The following CCL18 variants were observed in gnomAD, a reference collection of about 807,000 sequenced individuals.
CCL18 encodes C-C motif chemokine 18.
A neutral mutation model predicts 8.0 loss-of-function variants in CCL18; 7 were observed. The observed-to-expected ratio is 0.87, with a 90% CI of 0.50 to 1.64. CCL18 has a LOEUF of 1.64. Among genes scored for constraint, CCL18 ranks in the 40% most tolerant of loss-of-function variants. The probability of loss-of-function intolerance (pLI) is 0.00; values close to 1 mark genes in which losing one functional copy is unlikely to be tolerated. For missense variants in CCL18, 95 were observed against 107.8 expected (o/e 0.88, Z 0.52); for synonymous variants, 35 against 41.3 (o/e 0.85, Z 0.59).
intron 1 of CCL18, among the ~76,000 whole-genome samples, chr17:36,068,385 T>A (rs993822082): frequency 1.3e-5 from 2 of 151,366 alleles, no homozygotes; most frequent in African/African-American, 2.4e-5. Flanking sequence ...TTCAATGAAA[T>A]TTTTTTTTCA....
Position 36,071,058 on chromosome 17 carries a change from G to T in CCL18, c.*17G>T. The stretch of plus-strand genomic sequence containing the variant: ...AATGCCTGAGGGGCCTGGAAGCTGC[G>T]AGGGCCCAGTGAACTTGGTGGGCCC... On this transcript the variant is annotated 3_prime_UTR_variant, in exon 3 of 3. Transcript: ENST00000616054. 1 of 1,588,114 alleles carries T rather than the reference G, an allele frequency of 6.3e-7. No individual in the cohort carries two copies.
At chr17:36,069,272 C>T (rs1285662322) in intron 1 of CCL18, among the ~76,000 whole-genome samples, 1 of 152,166 alleles carries the variant, frequency 6.6e-6, no homozygotes, top group African/African-American at 2.4e-5. Context: ...CACCAGCTAA[C>T]CCAGTCTCAG....
chr17:36,070,520 T>C lies in CCL18; in HGVS notation c.141T>C (p.Tyr47=). The change falls in exon 2 of 3, where the codon TAT becomes TAC. Residue 47 remains tyrosine (Y), a synonymous_variant. Coordinates refer to ENST00000616054, the MANE Select transcript of CCL18 (RefSeq NM_002988.4). ...WQIPQKFIVD[Y]SETSPQCPKP... is the part of the protein sequence containing the mutation. Reference sequence around the variant, plus strand: ...TTCCACAAAAGTTCATAGTTGACTATTCTGAAACCAGCCCCCAGTGCCCCA... The same window carrying C: ...TTCCACAAAAGTTCATAGTTGACTACTCTGAAACCAGCCCCCAGTGCCCCA... 1.9e-6 allele frequency: 3 copies of C among 1,613,974 alleles called. No homozygotes were observed. Among genetic ancestry groups the C allele is most frequent in the Non-Finnish European group, 2.5e-6 (3 of 1,179,792 alleles).
In CCL18 at chr17:36,069,375, G is replaced by A. The variant is rs559545741; in HGVS notation, c.68-1072G>A. Among the ~76,000 whole-genome samples, 6 of 152,302 alleles carry A rather than the reference G, an allele frequency of 3.9e-5. No individual in the cohort carries two copies. In the East Asian group the frequency reaches 9.6e-4, roughly 24 times the overall value. On this transcript the variant is annotated intron_variant, in intron 1 of 2. Transcript: ENST00000616054. ...ATTCTTGCAAATAGCCTGAATCTTT[G>A]TGGTGAGCTGAAGCTCTCCTGGTTT...
At chr17:36,067,277 C>A (rs1167465026) in intron 1 of CCL18, among the ~76,000 whole-genome samples, 7 of 152,058 alleles carry the variant, frequency 4.6e-5, no homozygotes, top group Admixed American at 3.9e-4. Context: ...AGATCAGGAG[C>A]CTTAGATGCC....
chr17:36,070,346 G>T, intron 1 of CCL18, 101 bp from the exon 2 acceptor site: 2 of 684,980 alleles, frequency 2.9e-6, no homozygotes, highest in East Asian at 2.7e-5. Flanking sequence ...CCCAAGCGGT[G>T]ATATCTCCCA....
intron 1 of CCL18, among the ~76,000 whole-genome samples, chr17:36,065,580 T>C (rs2066832774): frequency 6.6e-6 from 1 of 152,024 alleles, no homozygotes; most frequent in Admixed American, 6.5e-5. Flanking sequence ...TTGCAGTGGA[T>C]ATGGAGAAAC....
intron 1 of CCL18, among the ~76,000 whole-genome samples, chr17:36,067,389 A>G (rs1316715977): frequency 2.0e-5 from 3 of 152,296 alleles, no homozygotes; most frequent in Admixed American, 2.0e-4. Flanking sequence ...GGCACAACTT[A>G]TAACAATGAA....
At chr17:36,070,372 C>G (rs2066858873) in intron 1 of CCL18, 75 bp from the exon 2 acceptor site, 1 of 867,084 alleles carries the variant, frequency 1.2e-6, no homozygotes, top group South Asian at 1.4e-5. Flanking sequence ...TCCTGACTCT[C>G]AAGGAAAGGG....
At chr17:36,069,003 G>T (rs570356720) in intron 1 of CCL18, among the ~76,000 whole-genome samples, 31 of 148,282 alleles carry the variant, frequency 2.1e-4, no homozygotes, top group Non-Finnish European at 3.7e-4. Context: ...GAAACTACAG[G>T]CATGCCCAGC....
intron 1 of CCL18, among the ~76,000 whole-genome samples, chr17:36,065,824 C>T (rs2066834088): frequency 6.6e-6 from 1 of 152,180 alleles, no homozygotes; most frequent in South Asian, 2.1e-4. Flanking sequence ...ACTCTCACTC[C>T]CTTGCTCCCT....
intron 1 of CCL18, among the ~76,000 whole-genome samples, chr17:36,066,158 T>C (rs1344605384): frequency 1.3e-5 from 2 of 152,202 alleles, no homozygotes; most frequent in Non-Finnish European, 2.9e-5. Flanking sequence ...TTGAAACCTT[T>C]TGTGAAGTTC....
Position 36,064,339 on chromosome 17 carries a change from C to A in CCL18, c.-4C>A. On this transcript the variant is annotated 5_prime_UTR_variant, in exon 1 of 3. Coordinates refer to ENST00000616054, the MANE Select transcript of CCL18 (RefSeq NM_002988.4). ...TCTGACCACTTCTCTGCCTGCCCAG[C>A]ATCATGAAGGGCCTTGCAGCTGCCC... is the stretch of plus-strand genomic sequence containing the variant. The A allele has an allele frequency of 6.2e-7, 1 of 1,613,672 alleles. No homozygotes were observed. The highest frequency in any genetic ancestry group is 2.2e-5 in the East Asian group (1 of 44,878).
rs746895944 is a variant in CCL18, at chr17:36,071,086, G to T, written c.*45G>T. On this transcript the variant is annotated 3_prime_UTR_variant, in exon 3 of 3. Coordinates refer to ENST00000616054, the MANE Select transcript of CCL18 (RefSeq NM_002988.4). The stretch of plus-strand genomic sequence containing the variant: ...GGCCCAGTGAACTTGGTGGGCCCAG[G>T]AGGGAACAGGAGCCTGAGCCAGGGC... 2.9e-6 allele frequency: 4 copies of T among 1,370,810 alleles called. No individual in the cohort carries two copies. Among genetic ancestry groups the T allele is most frequent in the Non-Finnish European group, 4.1e-6 (4 of 969,996 alleles). 84.9% of individuals were successfully genotyped at this position (1,370,810 alleles called of 1,614,324 possible). A position where few individuals can be genotyped will look rare whatever the true frequency, so the allele number is the denominator to read the frequency against.
intron 1 of CCL18, among the ~76,000 whole-genome samples, chr17:36,066,752 G>A (rs1034697781): frequency 6.6e-6 from 1 of 152,200 alleles, no homozygotes; most frequent in Non-Finnish European, 1.5e-5. Flanking sequence ...CAGCTCCTCT[G>A]ACCACATGGT....
At chr17:36,070,600 G>C in intron 2 of CCL18, 42 bp downstream of exon 2, 5 of 1,239,686 alleles carry the variant, frequency 4.0e-6, no homozygotes, top group Non-Finnish European at 6.0e-6. Flanking sequence ...GAGGGAGGAT[G>C]GGAGGTTTGG....
In CCL18 at chr17:36,064,329, G is replaced by C; in HGVS notation, c.-14G>C. 6.2e-7 allele frequency: 1 copy of C among 1,612,720 alleles called. No individual in the cohort carries two copies. Among genetic ancestry groups the C allele is most frequent in the East Asian group, 2.2e-5 (1 of 44,876 alleles). On this transcript the variant is annotated 5_prime_UTR_variant, in exon 1 of 3. Transcript: ENST00000616054. ...CCCAGCTCACTCTGACCACTTCTCTGCCTGCCCAGCATCATGAAGGGCCTT... is the reference window on the plus strand; with the variant it reads ...CCCAGCTCACTCTGACCACTTCTCTCCCTGCCCAGCATCATGAAGGGCCTT...
intron 1 of CCL18, among the ~76,000 whole-genome samples, chr17:36,067,958 T>G (rs2066846015): frequency 6.6e-6 from 1 of 152,214 alleles, no homozygotes; most frequent in Non-Finnish European, 1.5e-5. Flanking sequence ...TGCAAATACT[T>G]AACATTGCAT....
chr17:36,066,570 C>A (rs1236879859), intron 1 of CCL18, among the ~76,000 whole-genome samples: 1 of 152,198 alleles, frequency 6.6e-6, no homozygotes, highest in Non-Finnish European at 1.5e-5. Context: ...TTGGGTCCCC[C>A]AGGGGTTCAG....
Sources: gnomAD v4.1 joint callset for allele counts (sites outside exome capture counted in the v4.1 genomes callset) on GRCh38, gnomAD v4.1.1 for gene constraint, MANE v1.5 for transcripts, NCBI Gene and HGNC (gene_info 2026-07-23, HGNC 2026-07-21) for gene names.